THADA: variants seen among roughly 807,000 people sequenced by gnomAD.
THADA encodes the protein THADA armadillo repeat containing.
In THADA, 213 loss-of-function variants were observed where a neutral mutation model predicts 219.8. The ratio of observed to expected loss-of-function variants is 0.97; its 90% confidence interval spans 0.87 to 1.09. The LOEUF (loss-of-function observed/expected upper bound fraction) is 1.09. Ranked by LOEUF, THADA falls within the 50% of genes least tolerant of loss-of-function variation. The probability of loss-of-function intolerance (pLI) is 0.00; values close to 1 mark genes in which losing one functional copy is unlikely to be tolerated. For missense variants in THADA, 2,956 were observed against 2,311.3 expected (o/e 1.28, Z -5.72); for synonymous variants, 1,018 against 828.9 (o/e 1.23, Z -3.92).
At chr2:43,510,802 C>T (rs1047370604) in intron 22 of THADA, among the ~76,000 whole-genome samples, 3 of 151,716 alleles carry the variant, frequency 2.0e-5, no homozygotes, top group African/African-American at 7.3e-5. Context: ...GAAACCCTAT[C>T]TCTACTAAAA....
At chr2:43,421,985 A>G (rs1467586721) in intron 28 of THADA, among the ~76,000 whole-genome samples, 1 of 152,210 alleles carries the variant, frequency 6.6e-6, no homozygotes, top group Non-Finnish European at 1.5e-5. Flanking sequence ...TTCACTGAAC[A>G]TTCAGAATCC....
chr2:43,589,683 A>T (rs1364248516), intron 4 of THADA, among the ~76,000 whole-genome samples: 1 of 152,178 alleles, frequency 6.6e-6, no homozygotes, highest in Non-Finnish European at 1.5e-5. Flanking sequence ...GACTCAGGGG[A>T]AAGGGTGGGA....
intron 26 of THADA, among the ~76,000 whole-genome samples, chr2:43,482,195 A>T (rs1460628458): frequency 2.6e-5 from 4 of 152,212 alleles, no homozygotes; most frequent in African/African-American, 9.7e-5. Context: ...TTAAAATGTA[A>T]TAATATTACT....
chr2:43,591,921 GA>G (rs752866999), intron 3 of THADA, 30 bp downstream of exon 3: 18 of 1,401,426 alleles, frequency 1.3e-5, no homozygotes, highest in Non-Finnish European at 1.7e-5. Context: ...TACTCTTAAA[GA>G]TGCATCCATG....
Position 43,574,377 on chromosome 2 carries a change from T to A in THADA, c.1688A>T (p.Tyr563Phe). 1.2e-6 allele frequency: 2 copies of A among 1,604,914 alleles called. No homozygotes were observed. The highest frequency in any genetic ancestry group is 1.7e-6 in the Non-Finnish European group (2 of 1,175,790). Residue 563 changes from tyrosine to phenylalanine, a missense_variant, in exon 11 of 38, where the codon TAC becomes TTC. Physicochemically the swap from Tyr to Phe is conservative, Grantham distance 22 (BLOSUM62 3). Transcript: ENST00000405975. ...AGAAGTCTGAAGAATCTTTACCATG[T>A]ACTGTAAGCTTTCAGGGCTGTAACT... ...LLSYSPESLQ[Y>F]MVKILQTSID...
intron 7 of THADA, among the ~76,000 whole-genome samples, chr2:43,583,269 T>C (rs768845524): frequency 6.6e-6 from 1 of 152,204 alleles, no homozygotes; most frequent in Non-Finnish European, 1.5e-5. Context: ...TAATCATCCT[T>C]GCCACCTCTC....
At chr2:43,231,661 G>GAGCGATTTTAGGTCTGTTTGTCGTAGGCA (rs1667434780) in intron 37 of THADA, among the ~76,000 whole-genome samples, 1 of 152,186 alleles carries the variant, frequency 6.6e-6, no homozygotes, top group Non-Finnish European at 1.5e-5. Flanking sequence ...CTTCAACAAG[G>GAGCGATTTTAGGTCTGTTTGTCGTAGGCA]GAGTGGGCTC....
rs1678716616 is a variant in THADA, at chr2:43,321,538, C to T, written c.4344-998G>A. ...TGAATGTTGTTATCTTGGGATTGGG[C>T]TAGTGATTTGGAGACTGAGTTTGTT... is the stretch of plus-strand genomic sequence containing the variant. On this transcript the variant is annotated intron_variant, in intron 30 of 37. Transcript: ENST00000405975. 2.0e-5 allele frequency among the ~76,000 whole-genome samples: 3 copies of T among 152,282 alleles called. No homozygotes were observed. In the South Asian group the frequency reaches 6.2e-4, roughly 32 times the overall value.
At chr2:43,512,524 CG>C (rs1558883707) in intron 22 of THADA, among the ~76,000 whole-genome samples, 1 of 152,156 alleles carries the variant, frequency 6.6e-6, no homozygotes, top group East Asian at 1.9e-4. Flanking sequence ...GTTTTTGAGA[CG>C]AAATTTCACT....
chr2:43,291,853 C>T, intron 33 of THADA, 85 bp from the exon 34 acceptor site: 2 of 1,232,408 alleles, frequency 1.6e-6, no homozygotes, highest in Non-Finnish European at 2.3e-6. Flanking sequence ...AGTCTGTAAT[C>T]CATGCAGAGG....
intron 25 of THADA, chr2:43,486,353 C>G (rs754701017): frequency 1.3e-5 from 2 of 152,128 alleles, no homozygotes; most frequent in Non-Finnish European, 2.9e-5. Flanking sequence ...TTTGGAAGAG[C>G]ATAAAAGGGT....
intron 31 of THADA, among the ~76,000 whole-genome samples, chr2:43,305,620 A>G (rs559014896): frequency 3.2e-4 from 48 of 152,190 alleles, no homozygotes; most frequent in African/African-American, 8.7e-4. Flanking sequence ...TACTCTAAAG[A>G]CTATCCTGGC....
At chr2:43,562,890 T>C (rs1698237443) in intron 15 of THADA, 1 of 152,238 alleles carries the variant, frequency 6.6e-6, no homozygotes, top group Non-Finnish European at 1.5e-5. Flanking sequence ...TATAATCATT[T>C]TTATTTCTGC....
In THADA at chr2:43,570,410, G is replaced by T. The variant is rs1558992353; in HGVS notation, c.2165C>A (p.Ser722Tyr). The stretch of plus-strand genomic sequence containing the variant: ...TACCTTATACTGCTGTAAAGAAACA[G>T]AAGGGTGCTGTTTGGTTAACTCATT... ...PENELTKQHP[S>Y]VSLQQYKNFM... The change falls in exon 14 of 38, where the codon TCT becomes TAT. Residue 722 changes from serine (S) to tyrosine (Y), a missense_variant. Transcript: ENST00000405975. 6.2e-7 allele frequency: 1 copy of T among 1,612,778 alleles called. No individual in the cohort carries two copies. The highest frequency in any genetic ancestry group is 8.5e-7 in the Non-Finnish European group (1 of 1,179,588).
intron 27 of THADA, among the ~76,000 whole-genome samples, chr2:43,429,059 A>G (rs1313475903): frequency 2.0e-5 from 3 of 152,184 alleles, no homozygotes; most frequent in African/African-American, 7.2e-5. Flanking sequence ...GACATGCTTT[A>G]TGATGTCCAT....
intron 26 of THADA, among the ~76,000 whole-genome samples, chr2:43,479,070 T>C (rs1223308085): frequency 6.6e-6 from 1 of 152,192 alleles, no homozygotes; most frequent in African/African-American, 2.4e-5. Flanking sequence ...AATGCATGAA[T>C]GACACTCCAG....
At chr2:43,343,003 G>C (rs1217238394) in intron 30 of THADA, 1 of 151,096 alleles carries the variant, frequency 6.6e-6, no homozygotes, top group Non-Finnish European at 1.5e-5. Flanking sequence ...TTTTCAACTT[G>C]TTTGTTTCTC....
At chr2:43,517,127 C>A (rs1422314145) in intron 22 of THADA, among the ~76,000 whole-genome samples, 20 of 152,076 alleles carry the variant, frequency 1.3e-4, no homozygotes, top group Admixed American at 1.3e-3. Flanking sequence ...AAATACTCTA[C>A]AGAAAAGCCA....
chr2:43,480,832 A>G (rs976829350), intron 26 of THADA, among the ~76,000 whole-genome samples: 137 of 151,938 alleles, frequency 9.0e-4, no homozygotes, highest in Non-Finnish European at 4.3e-4. Context: ...GGGAAAAAAA[A>G]AAAAAAGAAA....
Sources: gnomAD v4.1 joint callset for allele counts (sites outside exome capture counted in the v4.1 genomes callset) on GRCh38, gnomAD v4.1.1 for gene constraint, MANE v1.5 for transcripts, NCBI Gene and HGNC (gene_info 2026-07-23, HGNC 2026-07-21) for gene names.